Variants in ERBB4 observed in about 807,000 individuals in gnomAD.
The protein encoded by ERBB4 is receptor tyrosine-protein kinase erbB-4.
ERBB4 carries 42 observed loss-of-function variants against 158.0 expected under a neutral mutation model. The ratio of observed to expected loss-of-function variants is 0.27; its 90% confidence interval spans 0.21 to 0.34. The LOEUF is 0.34. Ranked by LOEUF, ERBB4 falls within the 10% of genes least tolerant of loss-of-function variation. The probability of loss-of-function intolerance (pLI) is 1.00; values close to 1 mark genes in which losing one functional copy is unlikely to be tolerated. For synonymous variants in ERBB4, 583 were observed against 558.7 expected, an observed-to-expected ratio of 1.04 and a Z score of -0.61; for missense variants, 1,333 against 1,624.1, an observed-to-expected ratio of 0.82 and a Z score of 3.08.
chr2:212,458,146 C>A (rs1385381793), intron 1 of ERBB4, among the ~76,000 whole-genome samples: 1 of 151,970 alleles, frequency 6.6e-6, no homozygotes, highest in Non-Finnish European at 1.5e-5. Context: ...TTGCCATTTG[C>A]TGAGCATGTA....
chr2:212,174,751 T>G (rs1521648), intron 1 of ERBB4, among the ~76,000 whole-genome samples: 93,732 of 151,776 alleles, frequency 0.62, 30,228 homozygotes, highest in African/African-American at 0.72. Flanking sequence ...ACTTTCAGTT[T>G]TTTCTTATCT....
At chr2:212,395,709 T>C (rs1360483369) in intron 1 of ERBB4, among the ~76,000 whole-genome samples, 2 of 139,576 alleles carry the variant, frequency 1.4e-5, no homozygotes, top group Non-Finnish European at 3.0e-5. Flanking sequence ...AACCTCTGCC[T>C]CCCAGGTTCA....
chr2:212,001,555 T>C (rs528779090), intron 2 of ERBB4, among the ~76,000 whole-genome samples: 1 of 152,320 alleles, frequency 6.6e-6, no homozygotes, highest in African/African-American at 2.4e-5. Flanking sequence ...CTACAGCTAC[T>C]AAACTGCCAT....
At chr2:211,830,319 A>G (rs1228239840) in intron 3 of ERBB4, among the ~76,000 whole-genome samples, 1 of 152,078 alleles carries the variant, frequency 6.6e-6, no homozygotes, top group Non-Finnish European at 1.5e-5. Context: ...TATGCTAACA[A>G]CCCAGTTAAG....
intron 2 of ERBB4, among the ~76,000 whole-genome samples, chr2:211,984,937 G>T (rs1389842202): frequency 1.1e-4 from 16 of 151,918 alleles, no homozygotes; most frequent in Admixed American, 1.1e-3. Context: ...TCACCATGTT[G>T]CCCAGGCTGG....
chr2:212,263,111 T>C (rs1272088760), intron 1 of ERBB4, among the ~76,000 whole-genome samples: 2 of 152,106 alleles, frequency 1.3e-5, no homozygotes, highest in African/African-American at 2.4e-5. Context: ...TGCATGAAGA[T>C]GGAGGCAGAG....
chr2:212,183,530 A>C (rs2081934116), intron 1 of ERBB4, among the ~76,000 whole-genome samples: 1 of 152,044 alleles, frequency 6.6e-6, no homozygotes, highest in South Asian at 2.1e-4. Flanking sequence ...ATAGGGTTTA[A>C]ACTGTATTCT....
chr2:211,849,302 T>C (rs1559572180), intron 3 of ERBB4, among the ~76,000 whole-genome samples: 1 of 151,970 alleles, frequency 6.6e-6, no homozygotes, highest in African/African-American at 2.4e-5. Context: ...ATGGGAGTAT[T>C]CTAAGAAAGC....
At chr2:211,635,919 C>T (rs947734939) in intron 16 of ERBB4, among the ~76,000 whole-genome samples, 9 of 151,718 alleles carry the variant, frequency 5.9e-5, no homozygotes, top group African/African-American at 2.2e-4. Flanking sequence ...ACCTGTAGTC[C>T]TATAAAACAC....
At chr2:211,505,493 A>G (rs931631163) in intron 20 of ERBB4, among the ~76,000 whole-genome samples, 2 of 140,696 alleles carry the variant, frequency 1.4e-5, no homozygotes, top group East Asian at 2.3e-4. Context: ...GATACTCACC[A>G]TCATAAAAAA....
intron 3 of ERBB4, among the ~76,000 whole-genome samples, chr2:211,920,781 C>T (rs1482463930): frequency 6.6e-6 from 1 of 150,608 alleles, no homozygotes; most frequent in African/African-American, 2.4e-5. Flanking sequence ...CTTTTATATG[C>T]CTGCAGAATT....
chr2:211,825,184 T>C (rs1176418836), intron 3 of ERBB4, among the ~76,000 whole-genome samples: 1 of 151,914 alleles, frequency 6.6e-6, no homozygotes, highest in African/African-American at 2.4e-5. Flanking sequence ...TGTTTTAAGA[T>C]GTTAAATTTA....
At chr2:211,654,716 T>C (rs1474761185) in intron 16 of ERBB4, among the ~76,000 whole-genome samples, 2 of 152,216 alleles carry the variant, frequency 1.3e-5, no homozygotes, top group Admixed American at 1.3e-4. Flanking sequence ...ATGACCATTA[T>C]AATTCCCATT....
At chr2:211,909,420 C>T (rs534155798) in intron 3 of ERBB4, among the ~76,000 whole-genome samples, 1 of 151,746 alleles carries the variant, frequency 6.6e-6, no homozygotes, top group South Asian at 2.1e-4. Flanking sequence ...TCGTAAAGTA[C>T]ACTGTATTTA....
At chr2:211,958,976 A>C (rs748854600) in intron 2 of ERBB4, among the ~76,000 whole-genome samples, 4 of 152,058 alleles carry the variant, frequency 2.6e-5, no homozygotes, top group Non-Finnish European at 5.9e-5. Flanking sequence ...CATACATAGA[A>C]TCAAATGAGA....
At chr2:212,462,087 C>T (rs955669957) in intron 1 of ERBB4, among the ~76,000 whole-genome samples, 2 of 150,856 alleles carry the variant, frequency 1.3e-5, no homozygotes, top group East Asian at 3.9e-4. Flanking sequence ...CTACCATATA[C>T]AATATACAAA....
At chr2:211,467,994 C>T (rs996930864) in intron 20 of ERBB4, among the ~76,000 whole-genome samples, 1 of 152,114 alleles carries the variant, frequency 6.6e-6, no homozygotes, top group Admixed American at 6.6e-5. Flanking sequence ...TTTAAAGTGG[C>T]TGTTGACAGG....
chr2:212,045,783 C>T (rs2077247300), intron 2 of ERBB4, among the ~76,000 whole-genome samples: 1 of 152,290 alleles, frequency 6.6e-6, no homozygotes, highest in Non-Finnish European at 1.5e-5. Context: ...AAGTAGTCTG[C>T]TGAAATAACC....
intron 6 of ERBB4, among the ~76,000 whole-genome samples, 178 bp downstream of exon 6, chr2:211,724,898 C>G (rs964639883): frequency 3.3e-5 from 5 of 152,044 alleles, no homozygotes; most frequent in African/African-American, 9.7e-5. Context: ...TAGAACAATT[C>G]TAGTTAATCA....
Sources: gnomAD v4.1 joint callset for allele counts (sites outside exome capture counted in the v4.1 genomes callset) on GRCh38, gnomAD v4.1.1 for gene constraint, MANE v1.5 for transcripts, NCBI Gene and HGNC (gene_info 2026-07-23, HGNC 2026-07-21) for gene names.